STK32C: variants seen among roughly 807,000 people sequenced by gnomAD.
The protein encoded by STK32C is serine/threonine-protein kinase 32C.
STK32C carries 31 observed loss-of-function variants against 56.5 expected under a neutral mutation model. The observed-to-expected ratio is 0.55, with a 90% CI of 0.41 to 0.74. The LOEUF (loss-of-function observed/expected upper bound fraction) is 0.74. Ranked by LOEUF, STK32C falls within the 30% of genes least tolerant of loss-of-function variation. The probability of loss-of-function intolerance (pLI) is 0.00; values close to 1 mark genes in which losing one functional copy is unlikely to be tolerated. For missense variants in STK32C, 544 were observed against 676.9 expected, an observed-to-expected ratio of 0.80 and a Z score of 2.18; for synonymous variants, 309 against 289.4, an observed-to-expected ratio of 1.07 and a Z score of -0.69.
intron 1 of STK32C, among the ~76,000 whole-genome samples, chr10:132,299,256 C>CAGCT (rs1334988104): frequency 1.1e-4 from 17 of 148,512 alleles, no homozygotes; most frequent in African/African-American, 4.1e-4. Context: ...GCAGCACAGA[C>CAGCT]AGCTAATCCA....
intron 1 of STK32C, among the ~76,000 whole-genome samples, chr10:132,324,666 A>G (rs577858449): frequency 2.0e-4 from 30 of 152,366 alleles, no homozygotes; most frequent in Non-Finnish European, 3.5e-4. Context: ...TGACAAAAAG[A>G]GTCAAGCTCT....
At chr10:132,299,042 G>A (rs1386120192) in intron 1 of STK32C, among the ~76,000 whole-genome samples, 3 of 152,172 alleles carry the variant, frequency 2.0e-5, no homozygotes, top group Non-Finnish European at 4.4e-5. Flanking sequence ...AGACCCAGCA[G>A]CACAGACAGC....
chr10:132,308,507 T>G (rs1189159126), upstream of STK32C, among the ~76,000 whole-genome samples: 2 of 142,722 alleles, frequency 1.4e-5, no homozygotes, highest in African/African-American at 5.1e-5. Flanking sequence ...GGCGGGAATC[T>G]GCCGGGCAGA....
In STK32C at chr10:132,307,382, C is replaced by T. The variant is rs966332869; in HGVS notation, c.262+190G>A. ...CCTCCTGCGGCGCCGCCACTAGAAA[C>T]GGAGGACGCGGGCGGGCGCCCAGAA... On this transcript the variant is annotated intron_variant, in intron 1 of 11. Transcript: ENST00000298630. The surrounding 1 kb of genome is among the most constrained non-coding windows in gnomAD (Gnocchi z 4.4). 6.6e-6 allele frequency among the ~76,000 whole-genome samples: 1 copy of T among 151,930 alleles called. No individual in the cohort carries two copies. Among genetic ancestry groups the T allele is most frequent in the African/African-American group, 2.4e-5 (1 of 41,388 alleles).
upstream of STK32C, chr10:132,308,044 A>C (rs1474211369): frequency 2.6e-5 from 19 of 718,766 alleles, no homozygotes; most frequent in African/African-American, 4.1e-4. Flanking sequence ...AGCTCCTGGA[A>C]GGGGTCGAGG....
In STK32C at chr10:132,264,717, C is replaced by T. The variant is rs565069353; in HGVS notation, c.263-18762G>A. Among the ~76,000 whole-genome samples, 54 of 152,294 alleles carry T rather than the reference C, an allele frequency of 3.5e-4. No homozygotes were observed. The South Asian group carries it at 1.0e-2, about 28-fold the overall frequency. ...GGGGCTCGCATGGGGCACACCCCCA[C>T]AGGGCCTGTCACCCCAAAGCCAGCG... On this transcript the variant is annotated intron_variant, in intron 1 of 11. Transcript: ENST00000298630.
At position 132,307,507 on chromosome 10, in the gene STK32C, C is replaced by A; in HGVS notation, c.262+65G>T. 6.8e-7 allele frequency: 1 copy of A among 1,476,908 alleles called. No homozygotes were observed. The highest frequency in any genetic ancestry group is 9.0e-7 in the Non-Finnish European group (1 of 1,111,194). The allele number at this position is 1,476,908 out of a possible 1,614,324, so 91.5% of individuals were successfully genotyped here. ...CGGGGGAACCCCTGCGGGAAAAAGC[C>A]GCCCAGCCGCGCCCGCCCCTGCAAT... On this transcript the variant is annotated intron_variant, in intron 1 of 11. Coordinates refer to ENST00000298630, the MANE Select transcript of STK32C (RefSeq NM_173575.4). This position sits in a 1 kb window ranked among gnomAD's most constrained non-coding sequence, Gnocchi z 4.4.
At chr10:132,313,575 C>A (rs1033426035) in intron 1 of STK32C, among the ~76,000 whole-genome samples, 2 of 152,238 alleles carry the variant, frequency 1.3e-5, no homozygotes, top group Non-Finnish European at 2.9e-5. Context: ...CCAGTCCTGA[C>A]AGAGCATGAG....
At chr10:132,235,441 A>ACC (rs1267735963) in intron 2 of STK32C, among the ~76,000 whole-genome samples, 59 of 90,826 alleles carry the variant, frequency 6.5e-4, no homozygotes, top group Middle Eastern at 4.2e-3. Flanking sequence ...GGTTGCAGTG[A>ACC]GCCGAGATTG....
intron 1 of STK32C, among the ~76,000 whole-genome samples, chr10:132,284,679 C>T (rs148435383): frequency 1.6e-3 from 166 of 105,634 alleles, no homozygotes; most frequent in African/African-American, 5.5e-3. Flanking sequence ...ACCCAGAACA[C>T]ATTCCCACAT....
chr10:132,306,667 T>TA (rs2066075143), intron 1 of STK32C, among the ~76,000 whole-genome samples: 1 of 152,266 alleles, frequency 6.6e-6, no homozygotes, highest in Admixed American at 6.5e-5. Context: ...CTCTGCACGC[T>TA]ATCTATAAAT....
chr10:132,318,586 G>T (rs1479306591), intron 1 of STK32C, among the ~76,000 whole-genome samples: 2 of 151,464 alleles, frequency 1.3e-5, no homozygotes, highest in African/African-American at 2.4e-5. Context: ...CTGCACTCTA[G>T]CCTGGGCAAC....
chr10:132,208,283 T>C, intron 11 of STK32C, 132 bp from the exon 12 acceptor site: 2 of 1,110,162 alleles, frequency 1.8e-6, no homozygotes, highest in Non-Finnish European at 2.3e-6. Context: ...GCTCGGTGTC[T>C]GCTGGAGAGG....
intron 1 of STK32C, among the ~76,000 whole-genome samples, chr10:132,259,942 G>T (rs1010358348): frequency 1.3e-5 from 2 of 152,234 alleles, no homozygotes; most frequent in African/African-American, 4.8e-5. Flanking sequence ...CAGGGCAGGG[G>T]TTGTTGCCAT....
intron 1 of STK32C, among the ~76,000 whole-genome samples, chr10:132,281,757 G>C (rs2065214759): frequency 6.6e-6 from 1 of 152,248 alleles, no homozygotes; most frequent in Non-Finnish European, 1.5e-5. Context: ...CCCGGCACCT[G>C]CAGGCCCCTC....
At chr10:132,252,866 C>G (rs888522978) in intron 1 of STK32C, among the ~76,000 whole-genome samples, 1 of 152,196 alleles carries the variant, frequency 6.6e-6, no homozygotes, top group South Asian at 2.1e-4. Flanking sequence ...GTGACCCGAG[C>G]GTGGGGCCGC....
At chr10:132,217,465 G>A (rs1423079803) in intron 10 of STK32C, among the ~76,000 whole-genome samples, 1 of 152,182 alleles carries the variant, frequency 6.6e-6, no homozygotes, top group Non-Finnish European at 1.5e-5. Flanking sequence ...GTGGACTTTT[G>A]AGTTAATGCC....
chr10:132,225,339 T>G lies in STK32C; in HGVS notation c.773-3A>C. 1 of 1,606,618 alleles carries G rather than the reference T, an allele frequency of 6.2e-7. No homozygotes were observed. Among genetic ancestry groups the G allele is most frequent in the Non-Finnish European group, 8.5e-7 (1 of 1,177,014 alleles). ...AAAAGAGTGGAAGATCTCCGGAGCTTTCCGACAGAAAGAAGGAAAAACAGC... is the reference window on the plus strand; with the variant it reads ...AAAAGAGTGGAAGATCTCCGGAGCTGTCCGACAGAAAGAAGGAAAAACAGC... On this transcript the variant is annotated splice_region_variant and splice_polypyrimidine_tract_variant and intron_variant, in intron 6 of 11. Transcript: ENST00000298630.
chr10:132,239,166 G>A (rs926267088), intron 2 of STK32C, among the ~76,000 whole-genome samples: 1 of 152,236 alleles, frequency 6.6e-6, no homozygotes, highest in African/African-American at 2.4e-5. Context: ...GGATGCTGGT[G>A]GGTATTTTAT....
Sources: allele counts gnomAD v4.1 joint callset (sites outside exome capture counted in the v4.1 genomes callset), GRCh38; gene constraint gnomAD v4.1.1; non-coding constraint Gnocchi (gnomAD v3.1); transcripts MANE v1.5; gene names NCBI Gene and HGNC (gene_info 2026-07-23, HGNC 2026-07-21).